The following THSD7B variants were observed in gnomAD, a reference collection of about 807,000 sequenced individuals.
The protein encoded by THSD7B is thrombospondin type-1 domain-containing protein 7B.
Under a neutral mutation model 213.6 loss-of-function variants are expected in THSD7B, and 138 were observed. That is an observed-to-expected ratio of 0.65 (90% confidence interval 0.56 to 0.74). THSD7B has a LOEUF of 0.74. Ranked by LOEUF, THSD7B falls within the 30% of genes least tolerant of loss-of-function variation. The probability of loss-of-function intolerance (pLI) is 0.00; values close to 1 mark genes in which losing one functional copy is unlikely to be tolerated. For missense variants in THSD7B, 1,931 were observed against 1,991.5 expected (o/e 0.97, Z 0.58); for synonymous variants, 742 against 687.0 (o/e 1.08, Z -1.25).
At chr2:137,376,646 A>C (rs147457259) in intron 12 of THSD7B, among the ~76,000 whole-genome samples, 169 of 152,342 alleles carry the variant, frequency 1.1e-3, no homozygotes, top group African/African-American at 3.8e-3. Flanking sequence ...TCTCTTGTAC[A>C]TGTACATAAA....
At chr2:137,316,207 A>C (rs1380039076) in intron 12 of THSD7B, among the ~76,000 whole-genome samples, 1 of 152,216 alleles carries the variant, frequency 6.6e-6, no homozygotes. Context: ...TGTGGGCGAA[A>C]AAAATACCAC....
At chr2:137,090,036 A>G (rs1324210214) in intron 3 of THSD7B, among the ~76,000 whole-genome samples, 1 of 151,828 alleles carries the variant, frequency 6.6e-6, no homozygotes, top group Non-Finnish European at 1.5e-5. Context: ...AAAAAGAAAA[A>G]AGAACTTACT....
intron 1 of THSD7B, among the ~76,000 whole-genome samples, chr2:136,871,351 C>T (rs1683429720): frequency 6.6e-6 from 1 of 152,074 alleles, no homozygotes; most frequent in Non-Finnish European, 1.5e-5. Flanking sequence ...GTGAGCAAAG[C>T]TAGAGAAGAG....
chr2:137,124,588 A>G (rs780067886), intron 5 of THSD7B, among the ~76,000 whole-genome samples: 1 of 152,154 alleles, frequency 6.6e-6, no homozygotes, highest in Non-Finnish European at 1.5e-5. Flanking sequence ...ATTTATTCCT[A>G]TGTCAAGAGA....
At chr2:137,531,532 G>C (rs570864069) in intron 15 of THSD7B, among the ~76,000 whole-genome samples, 19 of 151,930 alleles carry the variant, frequency 1.3e-4, no homozygotes, top group African/African-American at 4.6e-4. Context: ...TTCTGCTCTA[G>C]AGTTTTTTAA....
intron 10 of THSD7B, among the ~76,000 whole-genome samples, chr2:137,246,973 T>TACTA (rs111272160): frequency 3.5e-3 from 530 of 152,330 alleles, no homozygotes; most frequent in African/African-American, 0.012. Flanking sequence ...ATATCTGCGA[T>TACTA]AAATTCTCCA....
At chr2:137,194,286 G>A (rs1219313812) in intron 7 of THSD7B, among the ~76,000 whole-genome samples, 13 of 152,152 alleles carry the variant, frequency 8.5e-5, no homozygotes, top group Non-Finnish European at 1.8e-4. Context: ...GAAAAGAAAG[G>A]GCAGGAGAAC....
intron 2 of THSD7B, among the ~76,000 whole-genome samples, chr2:136,913,172 G>A (rs2105025819): frequency 6.6e-6 from 1 of 152,302 alleles, no homozygotes; most frequent in Admixed American, 6.5e-5. Context: ...TTTCATTTTA[G>A]CAAAGAGACT....
chr2:137,649,924 A>T (rs935731032), intron 21 of THSD7B, among the ~76,000 whole-genome samples: 1 of 151,820 alleles, frequency 6.6e-6, no homozygotes, highest in African/African-American at 2.4e-5. Context: ...AGTGAGACCT[A>T]ATCTCTACTA....
intron 1 of THSD7B, among the ~76,000 whole-genome samples, chr2:136,842,356 C>A (rs1041233813): frequency 6.6e-6 from 1 of 152,178 alleles, no homozygotes; most frequent in African/African-American, 2.4e-5. Context: ...ATAATTGATT[C>A]ATTAATCTCA....
At chr2:137,401,036 G>A (rs758301968) in intron 12 of THSD7B, among the ~76,000 whole-genome samples, 2 of 152,214 alleles carry the variant, frequency 1.3e-5, no homozygotes, top group Non-Finnish European at 2.9e-5. Context: ...TAGTCCCAGT[G>A]CTTCAGCCTT....
intron 17 of THSD7B, among the ~76,000 whole-genome samples, chr2:137,611,349 G>A (rs534709868): frequency 6.6e-6 from 1 of 151,838 alleles, no homozygotes; most frequent in Non-Finnish European, 1.5e-5. Context: ...TAATATTGCC[G>A]GCTTTTACCC....
chr2:137,557,659 A>C (rs1264747010), intron 15 of THSD7B, among the ~76,000 whole-genome samples: 1 of 152,210 alleles, frequency 6.6e-6, no homozygotes, highest in African/African-American at 2.4e-5. Context: ...AAAGAACTAG[A>C]AAAGCAAGAG....
chr2:136,915,165 G>T (rs1473820336), intron 2 of THSD7B, among the ~76,000 whole-genome samples: 1 of 152,162 alleles, frequency 6.6e-6, no homozygotes, highest in Non-Finnish European at 1.5e-5. Flanking sequence ...CCACATCCAT[G>T]CATTGAAGTG....
intron 2 of THSD7B, among the ~76,000 whole-genome samples, chr2:136,892,053 G>C (rs1269209002): frequency 6.6e-6 from 1 of 151,968 alleles, no homozygotes; most frequent in African/African-American, 2.4e-5. Context: ...CTCTCTGTGT[G>C]GTCTCGCCAT....
At chr2:137,029,330 C>T in intron 2 of THSD7B, among the ~76,000 whole-genome samples, 1 of 152,102 alleles carries the variant, frequency 6.6e-6, no homozygotes, top group Non-Finnish European at 1.5e-5. Context: ...TTGGCCACTT[C>T]AGCCTCCCAA....
In THSD7B at chr2:137,380,550, A is replaced by G. The variant is rs549773794; in HGVS notation, c.2501-25063A>G. 1.0e-3 allele frequency among the ~76,000 whole-genome samples: 155 copies of G among 152,340 alleles called. 1 individual carries two copies. In the Middle Eastern group the frequency reaches 0.014, roughly 13 times the overall value. ...TTATAGAAGCAGAGGGACAGATGGA[A>G]AGGGATGTGAAGACACTCCCCTGCT... On this transcript the variant is annotated intron_variant, in intron 12 of 27. Coordinates refer to ENST00000409968, the MANE Select transcript of THSD7B (RefSeq NM_001316349.2).
At chr2:137,238,564 T>TTTTTTTTTTTTTTTTTTTTTC (rs1553481982) in intron 9 of THSD7B, among the ~76,000 whole-genome samples, 1 of 83,408 alleles carries the variant, frequency 1.2e-5, no homozygotes, top group Non-Finnish European at 2.6e-5. Flanking sequence ...TTTTTTTTTT[T>TTTTTTTTTTTTTTTTTTTTTC]GAGACGGAGT....
chr2:137,558,799 G>A (rs1236976427), intron 15 of THSD7B, among the ~76,000 whole-genome samples: 1 of 152,162 alleles, frequency 6.6e-6, no homozygotes. Flanking sequence ...TGACATGGTT[G>A]TATATTTAGA....
Sources: allele counts gnomAD v4.1 joint callset (sites outside exome capture counted in the v4.1 genomes callset), GRCh38; gene constraint gnomAD v4.1.1; transcripts MANE v1.5; gene names NCBI Gene and HGNC (gene_info 2026-07-23, HGNC 2026-07-21).